Variants in CNBD1 observed in about 807,000 individuals in gnomAD.
The protein encoded by CNBD1 is cyclic nucleotide-binding domain-containing protein 1.
Under a neutral mutation model 54.4 loss-of-function variants are expected in CNBD1, and 71 were observed. The ratio of observed to expected loss-of-function variants is 1.30; its 90% CI spans 1.08 to 1.59. The LOEUF is 1.59. CNBD1 is among the 40% of genes most tolerant of loss of function. The probability of loss-of-function intolerance (pLI) is 0.00; values close to 1 mark genes in which losing one functional copy is unlikely to be tolerated. For synonymous variants in CNBD1, 182 were observed against 170.7 expected (o/e 1.07, Z -0.51); for missense variants, 659 against 518.0 (o/e 1.27, Z -2.64).
chr8:86,994,033 C>G (rs113688228), intron 4 of CNBD1, among the ~76,000 whole-genome samples: 2,586 of 152,252 alleles, frequency 0.017, 73 homozygotes, highest in African/African-American at 0.052. Flanking sequence ...CAGCCCAGTA[C>G]AGGGAGGCCC....
chr8:87,012,483 C>T (rs978696165), intron 4 of CNBD1, among the ~76,000 whole-genome samples: 1 of 152,168 alleles, frequency 6.6e-6, no homozygotes, highest in Non-Finnish European at 1.5e-5. Flanking sequence ...CATACCTTAA[C>T]ATTGCCCTGC....
intron 2 of CNBD1, among the ~76,000 whole-genome samples, chr8:87,395,160 A>T (rs1192528911): frequency 6.6e-6 from 1 of 151,944 alleles, no homozygotes; most frequent in Non-Finnish European, 1.5e-5. Context: ...ATATTAGGTG[A>T]GCATCATTCT....
intron 8 of CNBD1, among the ~76,000 whole-genome samples, chr8:87,332,980 G>T (rs550207049): frequency 6.6e-6 from 1 of 152,214 alleles, no homozygotes; most frequent in South Asian, 2.1e-4. Context: ...TCATTTTCAT[G>T]ATCTTGATTC....
chr8:87,259,253 C>T (rs1005994438), intron 6 of CNBD1, among the ~76,000 whole-genome samples: 3 of 152,122 alleles, frequency 2.0e-5, no homozygotes, highest in African/African-American at 7.2e-5. Context: ...AAGAATTTAC[C>T]ATGAATTATA....
chr8:86,962,490 A>T (rs1935772304), intron 4 of CNBD1, among the ~76,000 whole-genome samples: 1 of 152,138 alleles, frequency 6.6e-6, no homozygotes, highest in South Asian at 2.1e-4. Flanking sequence ...TTGCACAGAG[A>T]AAGAGAAGTC....
At chr8:87,365,048 G>T (rs920241948) in intron 10 of CNBD1, among the ~76,000 whole-genome samples, 1 of 151,974 alleles carries the variant, frequency 6.6e-6, no homozygotes, top group Non-Finnish European at 1.5e-5. Flanking sequence ...TCTTGTTTTA[G>T]GTCTTTGAGG....
intron 8 of CNBD1, among the ~76,000 whole-genome samples, chr8:87,329,076 A>G (rs533650827): frequency 4.0e-5 from 6 of 150,978 alleles, no homozygotes; most frequent in Admixed American, 4.0e-4. Context: ...TAGGTCTGTT[A>G]TCTATTTTGA....
chr8:87,308,091 A>G (rs1176169186), intron 8 of CNBD1, among the ~76,000 whole-genome samples: 1 of 152,114 alleles, frequency 6.6e-6, no homozygotes, highest in Non-Finnish European at 1.5e-5. Context: ...TTATCTTTAT[A>G]GCCCTGTGAA....
chr8:87,137,083 A>G (rs1242026216), intron 4 of CNBD1, among the ~76,000 whole-genome samples: 2 of 93,560 alleles, frequency 2.1e-5, no homozygotes, highest in Admixed American at 2.5e-4. Context: ...TGTAAATTAT[A>G]TATATTTATA....
chr8:87,080,626 T>C (rs1563460680), intron 4 of CNBD1, among the ~76,000 whole-genome samples: 1 of 152,156 alleles, frequency 6.6e-6, no homozygotes, highest in Non-Finnish European at 1.5e-5. Context: ...AATGATTATT[T>C]AGGATTTGAA....
chr8:87,113,788 A>G (rs1586265495), intron 4 of CNBD1, among the ~76,000 whole-genome samples: 1 of 151,886 alleles, frequency 6.6e-6, no homozygotes. Flanking sequence ...GTGTGGTGGC[A>G]GGCGCCTGTA....
intron 4 of CNBD1, among the ~76,000 whole-genome samples, chr8:87,187,499 A>G (rs1813505973): frequency 6.7e-6 from 1 of 148,976 alleles, no homozygotes; most frequent in African/African-American, 2.5e-5. Flanking sequence ...GCATTTTGAC[A>G]GTAACTAAAT....
At chr8:87,122,744 G>A (rs539318024) in intron 4 of CNBD1, among the ~76,000 whole-genome samples, 1 of 151,834 alleles carries the variant, frequency 6.6e-6, no homozygotes, top group Non-Finnish European at 1.5e-5. Context: ...TATAAGGGGT[G>A]AGATAAAGGT....
At chr8:87,392,739 A>G (rs12156342) in intron 2 of CNBD1, among the ~76,000 whole-genome samples, 3,533 of 152,018 alleles carry the variant, frequency 0.023, 58 homozygotes, top group Non-Finnish European at 0.036. Flanking sequence ...TCCAGTGATG[A>G]TTGCCCAACT....
At chr8:87,014,616 G>C (rs1809314980) in intron 4 of CNBD1, among the ~76,000 whole-genome samples, 1 of 152,002 alleles carries the variant, frequency 6.6e-6, no homozygotes, top group Non-Finnish European at 1.5e-5. Flanking sequence ...TAAGTGTAAT[G>C]AAATAAAATC....
At chr8:87,153,564 G>C (rs1812650421) in intron 4 of CNBD1, among the ~76,000 whole-genome samples, 1 of 152,110 alleles carries the variant, frequency 6.6e-6, no homozygotes. Context: ...ACCTAAAAGT[G>C]GACATGTAAT....
intron 6 of CNBD1, among the ~76,000 whole-genome samples, chr8:87,278,270 T>A (rs1808524497): frequency 1.3e-5 from 2 of 151,676 alleles, no homozygotes; most frequent in Admixed American, 1.3e-4. Context: ...CAATATTTAG[T>A]CCTGCCTGAA....
At chr8:87,106,372 C>A (rs549603878) in intron 4 of CNBD1, among the ~76,000 whole-genome samples, 4 of 152,076 alleles carry the variant, frequency 2.6e-5, no homozygotes, top group African/African-American at 9.6e-5. Flanking sequence ...CCACCATGCC[C>A]AGCTAATTTT....
At chr8:86,885,149 C>G (rs1020581660) in intron 1 of CNBD1, among the ~76,000 whole-genome samples, 11 of 152,076 alleles carry the variant, frequency 7.2e-5, no homozygotes, top group African/African-American at 2.7e-4. Context: ...TTACGTTTAA[C>G]ACAAAAAACA....
Sources: allele counts gnomAD v4.1 joint callset (sites outside exome capture counted in the v4.1 genomes callset), GRCh38; gene constraint gnomAD v4.1.1; transcripts MANE v1.5; gene names NCBI Gene and HGNC (gene_info 2026-07-23, HGNC 2026-07-21).